The following BRD10 variants were observed in gnomAD, a reference collection of about 807,000 sequenced individuals.
BRD10 encodes the protein uncharacterized bromodomain-containing protein 10.
the BRD10 span, among the ~76,000 whole-genome samples, chr9:5,940,197 A>G: frequency 6.6e-6 from 1 of 152,000 alleles, no homozygotes; most frequent in African/African-American, 2.4e-5. Flanking sequence ...TTGTTTTGAG[A>G]TAGTCTTGCT....
chr9:6,005,775 G>T, the BRD10 span, among the ~76,000 whole-genome samples: 2 of 152,188 alleles, frequency 1.3e-5, no homozygotes. Context: ...GCACTGTGGA[G>T]ACAAGGGTAA....
At chr9:5,884,369 C>A in the BRD10 span, among the ~76,000 whole-genome samples, 1 of 152,202 alleles carries the variant, frequency 6.6e-6, no homozygotes, top group Non-Finnish European at 1.5e-5. Context: ...GGCCCTGTGG[C>A]GCCCAGGACC....
the BRD10 span, among the ~76,000 whole-genome samples, chr9:5,943,069 G>A: frequency 6.6e-6 from 1 of 152,024 alleles, no homozygotes; most frequent in Non-Finnish European, 1.5e-5. Flanking sequence ...TAGAGACGGG[G>A]TCTAGCTATG....
the BRD10 span, among the ~76,000 whole-genome samples, chr9:5,927,230 A>G: frequency 6.6e-6 from 1 of 152,128 alleles, no homozygotes; most frequent in Non-Finnish European, 1.5e-5. Flanking sequence ...ACATGCTCAC[A>G]CCTCATCTGC....
At chr9:5,945,343 G>A in the BRD10 span, among the ~76,000 whole-genome samples, 2 of 152,212 alleles carry the variant, frequency 1.3e-5, no homozygotes, top group East Asian at 3.9e-4. Context: ...CAGTCTCCCA[G>A]TAGGTGAATA....
the BRD10 span, among the ~76,000 whole-genome samples, chr9:5,971,046 A>T: frequency 8.3e-6 from 1 of 121,102 alleles, no homozygotes. Flanking sequence ...GAGCTAAGCA[A>T]CGTCTCAAAA....
At chr9:5,984,165 A>G in the BRD10 span, among the ~76,000 whole-genome samples, 1 of 152,190 alleles carries the variant, frequency 6.6e-6, no homozygotes, top group African/African-American at 2.4e-5. Flanking sequence ...ATCAATATAA[A>G]GGCAGGCAGA....
the BRD10 span, among the ~76,000 whole-genome samples, chr9:5,948,913 TTTC>T: frequency 6.6e-6 from 1 of 152,164 alleles, no homozygotes; most frequent in Non-Finnish European, 1.5e-5. Flanking sequence ...TTTCTTTTTA[TTTC>T]TTATCATCAC....
chr9:5,989,537 T>A, the BRD10 span, among the ~76,000 whole-genome samples: 15 of 148,238 alleles, frequency 1.0e-4, no homozygotes, highest in East Asian at 3.0e-3. Context: ...CATTAAAATG[T>A]AAATTTTTTT....
At chr9:5,918,516 G>C in the BRD10 span, among the ~76,000 whole-genome samples, 1 of 152,164 alleles carries the variant, frequency 6.6e-6, no homozygotes, top group South Asian at 2.1e-4. Flanking sequence ...AGGAGTTCAA[G>C]ACCAGCCTAG....
At chr9:5,951,992 G>A in the BRD10 span, among the ~76,000 whole-genome samples, 2 of 136,366 alleles carry the variant, frequency 1.5e-5, no homozygotes, top group Non-Finnish European at 3.3e-5. Context: ...TTGAGAACCA[G>A]GAAGAGACTT....
the BRD10 span, chr9:5,921,768 T>A: frequency 6.2e-7 from 1 of 1,613,986 alleles, no homozygotes; most frequent in Middle Eastern, 1.6e-4. Context: ...CTACTTGTTG[T>A]TGATGGTAGT....
At chr9:5,968,273 T>A in the BRD10 span, 1 of 1,612,612 alleles carries the variant, frequency 6.2e-7, no homozygotes, top group South Asian at 1.1e-5. Flanking sequence ...GCAGTTAATT[T>A]CTGGATGATC....
chr9:5,945,374 T>C, the BRD10 span, among the ~76,000 whole-genome samples: 1 of 152,132 alleles, frequency 6.6e-6, no homozygotes, highest in Non-Finnish European at 1.5e-5. Flanking sequence ...TGGAGAACTG[T>C]TATACCTTTG....
chr9:6,006,788 A>G, the BRD10 span, among the ~76,000 whole-genome samples: 1 of 152,212 alleles, frequency 6.6e-6, no homozygotes, highest in African/African-American at 2.4e-5. Flanking sequence ...ACATAAGCCA[A>G]AATTATTTTT....
chr9:5,886,091 G>A, the BRD10 span, among the ~76,000 whole-genome samples: 7 of 152,212 alleles, frequency 4.6e-5, no homozygotes, highest in Admixed American at 1.3e-4. Context: ...ATCAACCCTC[G>A]TTTGTAGCAA....
chr9:5,908,959 G>A, the BRD10 span: 14 of 420,656 alleles, frequency 3.3e-5, no homozygotes, highest in Non-Finnish European at 5.5e-5. Flanking sequence ...TGTGCCAGAG[G>A]TAATGTTAGT....
the BRD10 span, chr9:5,921,286 T>C: frequency 6.2e-7 from 1 of 1,614,008 alleles, no homozygotes; most frequent in Non-Finnish European, 8.5e-7. Context: ...TCACATCCTT[T>C]ATCTGAGACA....
At chr9:5,893,647 G>A in the BRD10 span, among the ~76,000 whole-genome samples, 5 of 152,158 alleles carry the variant, frequency 3.3e-5, no homozygotes, top group African/African-American at 9.7e-5. Flanking sequence ...TTAGGGTATC[G>A]TTTCAGCTTG....
Sources: allele counts gnomAD v4.1 joint callset (sites outside exome capture counted in the v4.1 genomes callset), GRCh38; gene constraint gnomAD v4.1.1; transcripts MANE v1.5; gene names NCBI Gene and HGNC (gene_info 2026-07-23, HGNC 2026-07-21).